The following ASPRV1 variants were observed in gnomAD, a reference collection of about 807,000 sequenced individuals.
ASPRV1 encodes the protein retroviral-like aspartic protease 1.
In ASPRV1, 7 loss-of-function variants were observed where a neutral mutation model predicts 11.0. The ratio of observed to expected loss-of-function variants is 0.64; its 90% CI spans 0.36 to 1.20. ASPRV1 has a LOEUF of 1.20. Ranked by LOEUF, ASPRV1 falls within the 50% of genes most tolerant of loss-of-function variation. ASPRV1 has a pLI of 0.02. For missense variants in ASPRV1, 299 were observed against 320.0 expected, an observed-to-expected ratio of 0.93 and a Z score of 0.50; for synonymous variants, 136 against 138.4, an observed-to-expected ratio of 0.98 and a Z score of 0.12.
At chr2:70,038,989 G>C in the ASPRV1 span, among the ~76,000 whole-genome samples, 1 of 150,752 alleles carries the variant, frequency 6.6e-6, no homozygotes, top group Non-Finnish European at 1.5e-5. Flanking sequence ...TGAGGTAGGA[G>C]AATCACTTGA....
chr2:69,966,868 A>G, the ASPRV1 span, among the ~76,000 whole-genome samples: 1 of 152,104 alleles, frequency 6.6e-6, no homozygotes, highest in Non-Finnish European at 1.5e-5. Context: ...CATACAGAAG[A>G]TGGGGGGCGG....
the ASPRV1 span, among the ~76,000 whole-genome samples, chr2:70,080,318 C>T: frequency 1.8e-4 from 28 of 152,182 alleles, no homozygotes; most frequent in African/African-American, 6.3e-4. Flanking sequence ...CCTCCGCCTC[C>T]CAGGTTCAAG....
the ASPRV1 span, among the ~76,000 whole-genome samples, chr2:70,065,891 T>G: frequency 1.7e-4 from 24 of 141,282 alleles, no homozygotes; most frequent in Non-Finnish European, 2.9e-4. Flanking sequence ...AAATCAGGTA[T>G]CTCAATAAAA....
At chr2:70,066,951 G>A in the ASPRV1 span, among the ~76,000 whole-genome samples, 238 of 152,230 alleles carry the variant, frequency 1.6e-3, 1 homozygote, top group African/African-American at 5.5e-3. Flanking sequence ...GGAGGTAGGG[G>A]TGAATAAAAT....
the ASPRV1 span, among the ~76,000 whole-genome samples, chr2:69,987,388 C>T: frequency 3.3e-5 from 5 of 151,958 alleles, no homozygotes; most frequent in Non-Finnish European, 7.4e-5. Context: ...CCTGACACTT[C>T]AGTCCCATTC....
the ASPRV1 span, among the ~76,000 whole-genome samples, chr2:70,034,298 G>A: frequency 3.6e-4 from 55 of 151,626 alleles, no homozygotes; most frequent in African/African-American, 1.3e-3. Flanking sequence ...TCAGCTCACT[G>A]CAAACCCTGC....
At chr2:70,006,434 T>A in the ASPRV1 span, among the ~76,000 whole-genome samples, 2 of 152,032 alleles carry the variant, frequency 1.3e-5, no homozygotes, top group African/African-American at 4.8e-5. Context: ...CTCTTGCAGA[T>A]GGAAAGAAAA....
chr2:69,966,641 G>C, the ASPRV1 span, among the ~76,000 whole-genome samples: 3 of 152,328 alleles, frequency 2.0e-5, no homozygotes, highest in East Asian at 5.8e-4. Context: ...AACTACAAGT[G>C]GGCTTCTAAT....
the ASPRV1 span, among the ~76,000 whole-genome samples, chr2:70,026,374 G>GAAAAAAAAAA: frequency 7.7e-6 from 1 of 130,234 alleles, no homozygotes. Flanking sequence ...AGAGCAATCA[G>GAAAAAAAAAA]AAAAAAAAAA....
At chr2:69,989,031 C>A in the ASPRV1 span, among the ~76,000 whole-genome samples, 2 of 152,260 alleles carry the variant, frequency 1.3e-5, no homozygotes. Context: ...AAAACAACCA[C>A]TGACCAGGAG....
At chr2:70,062,636 G>A in the ASPRV1 span, among the ~76,000 whole-genome samples, 1 of 152,160 alleles carries the variant, frequency 6.6e-6, no homozygotes, top group African/African-American at 2.4e-5. Context: ...AATCTAGACA[G>A]AGCAGTCTGA....
At chr2:70,058,881 AC>A in the ASPRV1 span, among the ~76,000 whole-genome samples, 1 of 124,158 alleles carries the variant, frequency 8.1e-6, no homozygotes, top group Non-Finnish European at 1.6e-5. Context: ...TTATTACCCA[AC>A]TTTTTTTTTT....
the ASPRV1 span, chr2:70,049,104 T>C: frequency 6.6e-6 from 1 of 151,620 alleles, no homozygotes; most frequent in Non-Finnish European, 1.5e-5. Context: ...TAGTTACATA[T>C]GTATACATGT....
At chr2:70,058,572 G>C in the ASPRV1 span, among the ~76,000 whole-genome samples, 1 of 144,792 alleles carries the variant, frequency 6.9e-6, no homozygotes, top group Non-Finnish European at 1.5e-5. Context: ...TTTTTTTTGA[G>C]ACAAAGTCTC....
the ASPRV1 span, among the ~76,000 whole-genome samples, chr2:69,999,605 G>A: frequency 7.6e-6 from 1 of 130,760 alleles, no homozygotes; most frequent in African/African-American, 2.9e-5. Context: ...TCAGTGAGCT[G>A]AAATCGTGCC....
the ASPRV1 span, chr2:69,935,268 C>T: frequency 1.0e-6 from 1 of 969,540 alleles, no homozygotes; most frequent in South Asian, 1.3e-5. Flanking sequence ...GGCAACTTCA[C>T]ACTCTTTGAG....
At position 69,960,504 on chromosome 2, in the gene ASPRV1, T is replaced by C; in HGVS notation, c.*153A>G. 1 of 790,948 alleles carries C rather than the reference T, an allele frequency of 1.3e-6. No homozygotes were observed. Among genetic ancestry groups the C allele is most frequent in the Non-Finnish European group, 2.0e-6 (1 of 509,224 alleles). The allele number at this position is 790,948 out of a possible 1,614,324, so 49.0% of individuals were successfully genotyped here. The stretch of plus-strand genomic sequence containing the variant: ...GAAGCCTCCCCTACCAGGGGCAGAT[T>C]AAGGCCCCTGCAGAGGGAGGCAAAG... On this transcript the variant is annotated 3_prime_UTR_variant, in exon 1 of 1. Coordinates refer to ENST00000320256, the MANE Select transcript of ASPRV1 (RefSeq NM_152792.4).
At chr2:69,951,227 C>T in the ASPRV1 span, among the ~76,000 whole-genome samples, 10 of 151,804 alleles carry the variant, frequency 6.6e-5, no homozygotes, top group East Asian at 1.9e-3. Flanking sequence ...AGATCGAGAC[C>T]ATCCTGGCCA....
At chr2:69,941,494 G>A in the ASPRV1 span, 2 of 152,228 alleles carry the variant, frequency 1.3e-5, no homozygotes, top group African/African-American at 2.4e-5. Context: ...GTCAACCTAA[G>A]ATGAAAATAA....
Sources: gnomAD v4.1 joint callset for allele counts (sites outside exome capture counted in the v4.1 genomes callset) on GRCh38, gnomAD v4.1.1 for gene constraint, MANE v1.5 for transcripts, NCBI Gene and HGNC (gene_info 2026-07-23, HGNC 2026-07-21) for gene names.